DLG2: variants seen among roughly 807,000 people sequenced by gnomAD.
DLG2 encodes the protein discs large MAGUK scaffold protein 2.
A neutral mutation model predicts 132.5 loss-of-function variants in DLG2; 45 were observed. That is an observed-to-expected ratio of 0.34 (90% CI 0.27 to 0.44). The LOEUF is 0.44. DLG2 is among the 20% of genes least tolerant of loss of function. DLG2 has a pLI of 1.00. For missense variants in DLG2, 1,045 were observed against 1,196.9 expected (o/e 0.87, Z 1.87); for synonymous variants, 424 against 419.6 (o/e 1.01, Z -0.13).
At chr11:84,348,438 T>C (rs1023438699) in intron 7 of DLG2, among the ~76,000 whole-genome samples, 1 of 152,176 alleles carries the variant, frequency 6.6e-6, no homozygotes, top group Admixed American at 6.5e-5. Flanking sequence ...AGATATTCCA[T>C]GGGATGTTTA....
At chr11:84,491,512 C>T (rs2099165154) in intron 7 of DLG2, among the ~76,000 whole-genome samples, 1 of 152,108 alleles carries the variant, frequency 6.6e-6, no homozygotes. Context: ...CTAATACATA[C>T]AGTTACCAAG....
chr11:84,416,143 T>G (rs2098928828), intron 7 of DLG2, among the ~76,000 whole-genome samples: 1 of 152,166 alleles, frequency 6.6e-6, no homozygotes, highest in Non-Finnish European at 1.5e-5. Context: ...CCAATATCCT[T>G]TCATGACCCT....
chr11:85,162,543 C>T (rs527640195), intron 4 of DLG2, among the ~76,000 whole-genome samples: 10 of 152,274 alleles, frequency 6.6e-5, no homozygotes, highest in African/African-American at 2.4e-4. Flanking sequence ...TTGTTAAAAA[C>T]ATGTGTAAGC....
At chr11:84,255,364 C>G (rs1169233827) in intron 7 of DLG2, among the ~76,000 whole-genome samples, 2 of 152,152 alleles carry the variant, frequency 1.3e-5, no homozygotes, top group African/African-American at 4.8e-5. Flanking sequence ...CGCTCTATCA[C>G]CCAGGCTGGA....
chr11:84,109,551 T>C (rs1307519344), intron 9 of DLG2, among the ~76,000 whole-genome samples: 1 of 152,236 alleles, frequency 6.6e-6, no homozygotes, highest in African/African-American at 2.4e-5. Flanking sequence ...TTGTCAGTGA[T>C]ACTCCAACTA....
chr11:84,742,229 A>C (rs191550238), intron 6 of DLG2, among the ~76,000 whole-genome samples: 34 of 152,310 alleles, frequency 2.2e-4, no homozygotes, highest in Admixed American at 2.1e-3. Context: ...CATTATATTC[A>C]ATAAAATAAT....
chr11:84,716,421 G>T (rs2061232429), intron 6 of DLG2, among the ~76,000 whole-genome samples: 1 of 152,014 alleles, frequency 6.6e-6, no homozygotes. Context: ...GGGAATAAAA[G>T]AAGGGAGACA....
chr11:84,268,780 G>A (rs934847086), intron 7 of DLG2, among the ~76,000 whole-genome samples: 1 of 152,018 alleles, frequency 6.6e-6, no homozygotes, highest in African/African-American at 2.4e-5. Flanking sequence ...TTTACAGTTT[G>A]TAAAATGGAG....
At chr11:84,250,755 C>T (rs926230364) in intron 8 of DLG2, among the ~76,000 whole-genome samples, 2 of 152,202 alleles carry the variant, frequency 1.3e-5, no homozygotes, top group Admixed American at 6.5e-5. Context: ...CTCATGCTTT[C>T]ATAAAACCAT....
chr11:84,478,851 T>C (rs896296146), intron 7 of DLG2, among the ~76,000 whole-genome samples: 2 of 152,084 alleles, frequency 1.3e-5, no homozygotes, highest in African/African-American at 2.4e-5. Flanking sequence ...ACTAGAATCT[T>C]TGACGTATAA....
intron 8 of DLG2, chr11:84,167,030 C>T: frequency 1.9e-6 from 1 of 531,990 alleles, no homozygotes; most frequent in South Asian, 1.4e-5. Flanking sequence ...TATTCCAGTT[C>T]TGGCCCTAAC....
chr11:85,028,179 AG>A (rs1362894243), intron 6 of DLG2, among the ~76,000 whole-genome samples: 1 of 152,190 alleles, frequency 6.6e-6, no homozygotes, highest in Non-Finnish European at 1.5e-5. Context: ...ACAAGACAAC[AG>A]CAACCGAATT....
intron 18 of DLG2, among the ~76,000 whole-genome samples, chr11:83,734,929 C>T (rs183440647): frequency 1.9e-4 from 29 of 151,660 alleles, no homozygotes; most frequent in Middle Eastern, 3.5e-3. Flanking sequence ...ACATATTTGT[C>T]GTACACCACA....
intron 3 of DLG2, among the ~76,000 whole-genome samples, chr11:85,546,103 C>T (rs566443735): frequency 4.1e-4 from 62 of 152,022 alleles, no homozygotes; most frequent in East Asian, 1.9e-4. Context: ...TTTTAGATCT[C>T]CCCTGCTTTC....
intron 7 of DLG2, among the ~76,000 whole-genome samples, chr11:84,502,382 CTTTCTTTCTTTCTTTCTTTCTTTCTT>C (rs2099221039): frequency 1.1e-5 from 1 of 89,100 alleles, no homozygotes; most frequent in Non-Finnish European, 2.1e-5. Context: ...TTCTTTCTTT[CTTTCTTTCTTTCTTTCTTTCTTTCTT>C]TCTTTCTATA....
intron 6 of DLG2, among the ~76,000 whole-genome samples, chr11:84,867,116 G>T (rs1372409333): frequency 6.6e-6 from 1 of 152,148 alleles, no homozygotes; most frequent in Non-Finnish European, 1.5e-5. Flanking sequence ...TTTCTAACTG[G>T]GAGCTAGGGA....
At chr11:84,702,021 G>T (rs1367503543) in intron 6 of DLG2, among the ~76,000 whole-genome samples, 1 of 151,472 alleles carries the variant, frequency 6.6e-6, no homozygotes, top group African/African-American at 2.4e-5. Flanking sequence ...CCTCTGCTGG[G>T]CCATATAACT....
intron 7 of DLG2, among the ~76,000 whole-genome samples, chr11:84,252,232 A>G (rs1445565785): frequency 1.5e-5 from 2 of 137,730 alleles, no homozygotes; most frequent in East Asian, 4.3e-4. Flanking sequence ...GGTCACTGCA[A>G]CCTCTGCCTC....
chr11:85,523,271 C>A (rs958412233), intron 3 of DLG2, among the ~76,000 whole-genome samples: 1 of 152,154 alleles, frequency 6.6e-6, no homozygotes, highest in Non-Finnish European at 1.5e-5. Flanking sequence ...TGTTTCCCCT[C>A]CCACCATGAT....
Sources: allele counts gnomAD v4.1 joint callset (sites outside exome capture counted in the v4.1 genomes callset), GRCh38; gene constraint gnomAD v4.1.1; transcripts MANE v1.5; gene names NCBI Gene and HGNC (gene_info 2026-07-23, HGNC 2026-07-21).